The following EYS variants were observed in gnomAD, a reference collection of about 807,000 sequenced individuals.
EYS encodes EGF-like photoreceptor maintenance factor.
EYS carries 250 observed loss-of-function variants against 282.1 expected under a neutral mutation model. The ratio of observed to expected loss-of-function variants is 0.89; its 90% CI spans 0.80 to 0.98. EYS has a LOEUF of 0.98. EYS is among the 50% of genes least tolerant of loss of function. The pLI, the probability that EYS is intolerant of heterozygous loss-of-function variation, is 0.00. For synonymous variants in EYS, 1,355 were observed against 1,282.9 expected (o/e 1.06, Z -1.20); for missense variants, 4,016 against 3,709.0 (o/e 1.08, Z -2.15).
At chr6:64,295,100 C>A (rs539579936) in intron 30 of EYS, among the ~76,000 whole-genome samples, 1 of 151,498 alleles carries the variant, frequency 6.6e-6, no homozygotes, top group Non-Finnish European at 1.5e-5. Context: ...TCTGGCCGGG[C>A]ACGGTGGCTC....
At position 64,591,304 on chromosome 6, in the gene EYS, G is replaced by T. The variant is rs1401492096; in HGVS notation, c.4563C>A (p.Phe1521Leu). Residue 1521 changes from phenylalanine (F) to leucine (L), a missense_variant, in exon 26 of 43, where the codon TTC (phenylalanine) becomes TTA (leucine). Transcript: ENST00000503581. ...SALHRFSTKA[F>L]NPSEYQAITE... ...TAATAGCCTGATATTCACTGGGATT[G>T]AAGGCTTTTGTACTGAACCGGTGCA... 149 of 1,551,282 alleles carry T rather than the reference G, an allele frequency of 9.6e-5. No individual in the cohort carries two copies. Among genetic ancestry groups the T allele is most frequent in the Non-Finnish European group, 1.3e-4 (146 of 1,146,800 alleles).
At chr6:64,316,003 A>G (rs183798233) in intron 29 of EYS, among the ~76,000 whole-genome samples, 2 of 152,276 alleles carry the variant, frequency 1.3e-5, no homozygotes, top group African/African-American at 4.8e-5. Flanking sequence ...AAATGCCTTC[A>G]AAAATATTCA....
At chr6:64,087,998 A>C (rs1294963294) in intron 31 of EYS, among the ~76,000 whole-genome samples, 1 of 152,132 alleles carries the variant, frequency 6.6e-6, no homozygotes, top group African/African-American at 2.4e-5. Context: ...TCTGGCTCAC[A>C]CACTCTTTGA....
chr6:65,340,373 AT>A (rs1770153444), intron 10 of EYS, among the ~76,000 whole-genome samples: 2 of 151,252 alleles, frequency 1.3e-5, no homozygotes, highest in Non-Finnish European at 3.0e-5. Flanking sequence ...TACAAAAAAA[AT>A]TAAAACAACA....
chr6:64,063,538 A>AC (rs1383785859), intron 33 of EYS, among the ~76,000 whole-genome samples: 1 of 152,164 alleles, frequency 6.6e-6, no homozygotes, highest in African/African-American at 2.4e-5. Context: ...ATATACAGTA[A>AC]CCCTCTAACT....
intron 22 of EYS, among the ~76,000 whole-genome samples, chr6:64,792,734 CTAT>C (rs1444554888): frequency 6.6e-6 from 1 of 152,024 alleles, no homozygotes; most frequent in Non-Finnish European, 1.5e-5. Flanking sequence ...GCATAGTCAG[CTAT>C]TATATTGTAT....
chr6:64,196,386 A>T (rs1321692641), intron 31 of EYS, among the ~76,000 whole-genome samples: 1 of 152,200 alleles, frequency 6.6e-6, no homozygotes, highest in African/African-American at 2.4e-5. Flanking sequence ...CAGCCATCCC[A>T]TTACTGGGTA....
intron 35 of EYS, among the ~76,000 whole-genome samples, chr6:63,892,819 G>T (rs978276708): frequency 1.3e-5 from 2 of 152,110 alleles, no homozygotes; most frequent in Admixed American, 6.6e-5. Flanking sequence ...GAAAAATTTT[G>T]CAATCTGTCC....
intron 5 of EYS, among the ~76,000 whole-genome samples, chr6:65,484,514 A>G (rs1227441801): frequency 6.6e-6 from 1 of 152,130 alleles, no homozygotes; most frequent in Admixed American, 6.6e-5. Flanking sequence ...TGCAGATTTT[A>G]TTGTATCAAT....
intron 11 of EYS, among the ~76,000 whole-genome samples, chr6:65,334,627 G>T (rs1054524048): frequency 4.6e-5 from 7 of 151,712 alleles, no homozygotes; most frequent in African/African-American, 1.7e-4. Context: ...ATGAGTTTTT[G>T]TTTGTTTTGT....
intron 6 of EYS, among the ~76,000 whole-genome samples, chr6:65,403,417 C>T (rs1766594160): frequency 6.6e-6 from 1 of 151,944 alleles, no homozygotes; most frequent in Non-Finnish European, 1.5e-5. Flanking sequence ...TCATCATCAT[C>T]ATTACCATCA....
intron 2 of EYS, among the ~76,000 whole-genome samples, chr6:65,499,127 A>G (rs1330839974): frequency 6.6e-6 from 1 of 152,064 alleles, no homozygotes; most frequent in Non-Finnish European, 1.5e-5. Flanking sequence ...TCACTTTTAT[A>G]GTAGCTTTGT....
At chr6:65,588,804 G>C (rs2127366263) in intron 2 of EYS, among the ~76,000 whole-genome samples, 1 of 152,146 alleles carries the variant, frequency 6.6e-6, no homozygotes, top group Non-Finnish European at 1.5e-5. Context: ...ACATTCTGCA[G>C]ATGGCATGCC....
chr6:65,177,865 G>A (rs1765266024), intron 12 of EYS, among the ~76,000 whole-genome samples: 1 of 151,858 alleles, frequency 6.6e-6, no homozygotes, highest in African/African-American at 2.4e-5. Flanking sequence ...ATGCCTTCCA[G>A]AGACGTTTTA....
At chr6:65,173,029 T>C (rs981731074) in intron 12 of EYS, among the ~76,000 whole-genome samples, 4 of 151,140 alleles carry the variant, frequency 2.6e-5, no homozygotes, top group Non-Finnish European at 4.4e-5. Context: ...TGAATTTTAA[T>C]TGAAATTCTC....
intron 12 of EYS, among the ~76,000 whole-genome samples, chr6:65,198,867 T>A (rs1034334670): frequency 1.3e-5 from 2 of 152,072 alleles, no homozygotes; most frequent in Non-Finnish European, 2.9e-5. Context: ...ACATTAGGAC[T>A]ATTTTATGGA....
chr6:65,057,417 T>A (rs903654102), intron 13 of EYS, among the ~76,000 whole-genome samples, 197 bp downstream of exon 13: 1 of 152,140 alleles, frequency 6.6e-6, no homozygotes. Flanking sequence ...TCAACTATTT[T>A]AGTGTGTATG....
chr6:65,482,699 T>C (rs777104084), intron 5 of EYS, among the ~76,000 whole-genome samples: 4 of 152,178 alleles, frequency 2.6e-5, no homozygotes, highest in Admixed American at 6.5e-5. Flanking sequence ...TATTCTCTAC[T>C]AGTCAGATTG....
At chr6:65,624,420 C>G in intron 2 of EYS, among the ~76,000 whole-genome samples, 1 of 152,136 alleles carries the variant, frequency 6.6e-6, no homozygotes, top group East Asian at 1.9e-4. Flanking sequence ...AGTCTAATCA[C>G]TCTAGTCCTT....
Sources: allele counts gnomAD v4.1 joint callset (sites outside exome capture counted in the v4.1 genomes callset), GRCh38; gene constraint gnomAD v4.1.1; transcripts MANE v1.5; gene names NCBI Gene and HGNC (gene_info 2026-07-23, HGNC 2026-07-21).